The following SZT2 variants were observed in gnomAD, a reference collection of about 807,000 sequenced individuals.
The protein encoded by SZT2 is SZT2 subunit of KICSTOR complex.
SZT2 carries 216 observed loss-of-function variants against 404.2 expected under a neutral mutation model. That is an observed-to-expected ratio of 0.53 (90% CI 0.48 to 0.60). SZT2 has a LOEUF of 0.60. Ranked by LOEUF, SZT2 falls within the 20% of genes least tolerant of loss-of-function variation. The pLI, the probability that SZT2 is intolerant of heterozygous loss-of-function variation, is 0.00. For missense variants in SZT2, 3,857 were observed against 4,459.2 expected (o/e 0.86, Z 3.85); for synonymous variants, 1,693 against 1,749.9 (o/e 0.97, Z 0.81).
In SZT2 at chr1:43,425,326, C is replaced by T. The variant is rs1199297317; in HGVS notation, c.2645+119C>T. On this transcript the variant is annotated intron_variant, in intron 18 of 71. Coordinates refer to ENST00000634258, the MANE Select transcript of SZT2 (RefSeq NM_001365999.1). The surrounding 1 kb of genome is among the most constrained non-coding windows in gnomAD (Gnocchi z 4.3). The stretch of plus-strand genomic sequence containing the variant: ...TGATCCCAAAGTCAGGGAGGGGGTG[C>T]GGTGTTTAGATGCTTCATCAGGCAG... The T allele has an allele frequency of 6.0e-6, 9 of 1,502,188 alleles. No individual in the cohort carries two copies. The East Asian group carries it at 6.8e-5, about 11-fold the overall frequency. 93.1% of individuals were successfully genotyped at this position (1,502,188 alleles called of 1,614,324 possible).
chr1:43,392,453 C>T (rs939750932), intron 1 of SZT2, among the ~76,000 whole-genome samples: 68 of 145,890 alleles, frequency 4.7e-4, no homozygotes, highest in African/African-American at 1.4e-3. Flanking sequence ...CTCGCTCTGT[C>T]GCCCAGGCTG....
At chr1:43,445,206 A>G (rs1019784946) in intron 62 of SZT2, 1 of 152,362 alleles carries the variant, frequency 6.6e-6, no homozygotes, top group Non-Finnish European at 1.5e-5. Flanking sequence ...AAATGTTTCT[A>G]CAGCAAAATT....
rs760226125 is a variant in SZT2, at chr1:43,433,094, A to T, written c.5708A>T (p.Gln1903Leu). Residue 1903 changes from glutamine to leucine, a missense_variant, in exon 40 of 72, where the codon CAG becomes CTG. Gln to Leu is a moderately radical substitution (Grantham distance 113). Coordinates refer to ENST00000634258, the MANE Select transcript of SZT2 (RefSeq NM_001365999.1). ...ACTCCACCTGGGCCAGCACCTCCAC[A>T]GCCTTCACTCTCAGGCCTCCCTGGG... ...LRTPPGPAPPQPSLSGLPGPC... is the reference protein window; with the variant it reads ...LRTPPGPAPPLPSLSGLPGPC... The T allele has an allele frequency of 1.4e-5, 23 of 1,614,020 alleles. No individual in the cohort carries two copies. Among genetic ancestry groups the T allele is most frequent in the Admixed American group, 3.3e-5 (2 of 59,996 alleles).
chr1:43,428,172 A>G (rs556043638), intron 27 of SZT2, 54 bp downstream of exon 27: 6 of 1,611,804 alleles, frequency 3.7e-6, no homozygotes, highest in East Asian at 2.2e-5. Flanking sequence ...AGATACAGGG[A>G]TTACAGGGTG....
rs1389303305 is a variant in SZT2, at chr1:43,420,442, G to C, written c.1261+119G>C. 1.5e-6 allele frequency: 2 copies of C among 1,303,708 alleles called. No homozygotes were observed. Among genetic ancestry groups the C allele is most frequent in the Admixed American group, 5.5e-5 (2 of 36,238 alleles). The allele number at this position is 1,303,708 out of a possible 1,614,324, so 80.8% of individuals were successfully genotyped here. A position where few individuals can be genotyped will look rare whatever the true frequency, so the allele number is the denominator to read the frequency against. On this transcript the variant is annotated intron_variant, in intron 9 of 71. Transcript: ENST00000634258. This position sits in a 1 kb window ranked among gnomAD's most constrained non-coding sequence, Gnocchi z 5.1. Reference sequence around the variant, plus strand: ...ATTGAAGTCCTTATCACTTGAGACAGTGGGTTTTGAATTGTCATCAGGGCT... The same window carrying C: ...ATTGAAGTCCTTATCACTTGAGACACTGGGTTTTGAATTGTCATCAGGGCT...
At chr1:43,418,654 T>C (rs1651977317) in intron 7 of SZT2, among the ~76,000 whole-genome samples, 1 of 152,106 alleles carries the variant, frequency 6.6e-6, no homozygotes, top group African/African-American at 2.4e-5. Flanking sequence ...GAATAGAGGC[T>C]ATGATCGTAG....
In SZT2 at chr1:43,424,080, C is replaced by A. The variant is rs956973853; in HGVS notation, c.2256-137C>A. On this transcript the variant is annotated intron_variant, in intron 15 of 71. Coordinates refer to ENST00000634258, the MANE Select transcript of SZT2 (RefSeq NM_001365999.1). This position sits in a 1 kb window ranked among gnomAD's most constrained non-coding sequence, Gnocchi z 4.1. ...TGAGTGGTACAGAGGTGTGGAAGGG[C>A]GTGGCTTAGCCGGGTATCAGTGGTA... 1.4e-6 allele frequency: 1 copy of A among 702,132 alleles called. No homozygotes were observed. Among genetic ancestry groups the A allele is most frequent in the Non-Finnish European group, 2.4e-6 (1 of 415,770 alleles). The allele number at this position is 702,132 out of a possible 1,614,324, so 43.5% of individuals were successfully genotyped here. A position where few individuals can be genotyped will look rare whatever the true frequency, so the allele number is the denominator to read the frequency against.
At position 43,416,226 on chromosome 1, in the gene SZT2, T is replaced by A; in HGVS notation, c.772+125T>A. On this transcript the variant is annotated intron_variant, in intron 6 of 71. Coordinates refer to ENST00000634258, the MANE Select transcript of SZT2 (RefSeq NM_001365999.1). ...CCAGGGAAGAGGATCTGTTTCCTTG[T>A]TTGCAAAATGTAAGTCTGTATTAGT... The A allele has an allele frequency of 5.4e-6, 7 of 1,292,932 alleles. No homozygotes were observed. The South Asian group carries it at 1.1e-4, about 19-fold the overall frequency. The allele number at this position is 1,292,932 out of a possible 1,614,324, so 80.1% of individuals were successfully genotyped here. A position where few individuals can be genotyped will look rare whatever the true frequency, so the allele number is the denominator to read the frequency against.
rs1436589841 is a variant in SZT2, at chr1:43,427,714, GC to G, written c.3787del (p.Arg1263GlufsTer56). ...TGGTTGGCATGCAGCCCCCTCAGGCGCCCCGAGACCTCATCTTCCGGTGAGT... is the reference window on the plus strand; with the variant it reads ...TGGTTGGCATGCAGCCCCCTCAGGCGCCCGAGACCTCATCTTCCGGTGAGT... ...QMVGMQPPQA[P>X]RDLIFRTQFL... On this transcript the variant is annotated frameshift_variant, in exon 26 of 72. Coordinates refer to ENST00000634258, the MANE Select transcript of SZT2 (RefSeq NM_001365999.1). LOFTEE classifies it high-confidence loss of function. 1.9e-6 allele frequency: 3 copies of G among 1,613,508 alleles called. No homozygotes were observed. Among genetic ancestry groups the G allele is most frequent in the Non-Finnish European group, 2.5e-6 (3 of 1,179,986 alleles).
At position 43,432,588 on chromosome 1, in the gene SZT2, C is replaced by G; in HGVS notation, c.5514C>G (p.Pro1838=). ...DSEGVPLISL[P]RVPQGGSQPG... is the part of the protein sequence containing the mutation. ...AGGGTGTCCCCCTCATCAGCCTGCC[C>G]CGCGTGCCACAGGGAGGTAAGAGAG... Residue 1838 remains proline (P), a synonymous_variant, in exon 38 of 72, where the codon CCC becomes CCG. Coordinates refer to ENST00000634258, the MANE Select transcript of SZT2 (RefSeq NM_001365999.1). The G allele has an allele frequency of 6.2e-7, 1 of 1,613,674 alleles. No individual in the cohort carries two copies. The highest frequency in any genetic ancestry group is 8.5e-7 in the Non-Finnish European group (1 of 1,179,738).
intron 1 of SZT2, among the ~76,000 whole-genome samples, chr1:43,397,444 G>A (rs937111429): frequency 6.6e-6 from 1 of 150,648 alleles, no homozygotes; most frequent in Non-Finnish European, 1.5e-5. Context: ...AAAAAGAAAA[G>A]AAACAATATG....
At chr1:43,423,349 G>T (rs2153932681) in intron 15 of SZT2, 33 bp downstream of exon 15, 1 of 1,513,220 alleles carries the variant, frequency 6.6e-7, no homozygotes, top group African/African-American at 1.4e-5. Context: ...GCGTGGCTTA[G>T]CAGGGTATGA....
Position 43,424,313 on chromosome 1 carries a change from T to C in SZT2, c.2352T>C (p.Ser784=), listed in dbSNP as rs746862505. ...TGGTGTCAGGCCGCTCAGCCTCTTC[T>C]AGCCTGGCGTCACTGTCCCGCTACC... The part of the protein sequence containing the change: ...LPLVSGRSAS[S]SLASLSRYLY... The change falls in exon 16 of 72, where the codon TCT becomes TCC. Residue 784 remains serine (S), a synonymous_variant. Coordinates refer to ENST00000634258, the MANE Select transcript of SZT2 (RefSeq NM_001365999.1). This position sits in a 1 kb window ranked among gnomAD's most constrained non-coding sequence, Gnocchi z 4.1. 7 of 1,598,088 alleles carry C rather than the reference T, an allele frequency of 4.4e-6. No homozygotes were observed. The Admixed American group carries it at 1.2e-4, about 27-fold the overall frequency.
chr1:43,420,961 C>T lies in SZT2; in HGVS notation c.1474C>T (p.Arg492Cys), dbSNP rs752132319. 5.6e-6 allele frequency: 9 copies of T among 1,598,308 alleles called. No individual in the cohort carries two copies. The highest frequency in any genetic ancestry group is 5.9e-6 in the Non-Finnish European group (7 of 1,179,818). Residue 492 changes from arginine to cysteine, a missense_variant, in exon 10 of 72, where the codon CGT becomes TGT. Arg to Cys is a radical substitution (Grantham distance 180). Coordinates refer to ENST00000634258, the MANE Select transcript of SZT2 (RefSeq NM_001365999.1). The surrounding 1 kb of genome is among the most constrained non-coding windows in gnomAD (Gnocchi z 5.1). ...RSLYRTHVIR[R>C]FWNTLQSINQ... The stretch of plus-strand genomic sequence containing the variant: ...ATTGTATCGTACCCATGTTATCCGG[C>T]GTTTCTGGAACACGCTGCAGAGGTC...
Position 43,453,304 on chromosome 1 carries a change from T to C in SZT2, c.*2824T>C. ...ACCAGTGGGCTCAGACTTCTGAGCG[T>C]CTCAGATCTGGCGTCCTCGACTCCC... On this transcript the variant is annotated 3_prime_UTR_variant, in exon 72 of 72. Coordinates refer to ENST00000634258, the MANE Select transcript of SZT2 (RefSeq NM_001365999.1). 1.1e-6 allele frequency: 1 copy of C among 893,090 alleles called. No homozygotes were observed. 55.3% of individuals were successfully genotyped at this position (893,090 alleles called of 1,614,324 possible). A position where few individuals can be genotyped will look rare whatever the true frequency, so the allele number is the denominator to read the frequency against.
rs192330840 is a variant in SZT2, at chr1:43,417,687, G to A, written c.879+1046G>A. 1.5e-3 allele frequency among the ~76,000 whole-genome samples: 225 copies of A among 152,334 alleles called. 3 individuals are homozygous for A. In the East Asian group the frequency reaches 0.025, roughly 17 times the overall value. On this transcript the variant is annotated intron_variant, in intron 7 of 71. Transcript: ENST00000634258. Reference sequence around the variant, plus strand: ...GCATTTAAAGTATGTAGCATTGTACGTAATCACTTAAGAAATGGCTGCTAT... The same window carrying A: ...GCATTTAAAGTATGTAGCATTGTACATAATCACTTAAGAAATGGCTGCTAT...
In SZT2 at chr1:43,452,850, C is replaced by T; in HGVS notation, c.*2370C>T. On this transcript the variant is annotated 3_prime_UTR_variant, in exon 72 of 72. Coordinates refer to ENST00000634258, the MANE Select transcript of SZT2 (RefSeq NM_001365999.1). ...TCCCATCATCCCCTGATCTTAGCCA[C>T]ATCCAGCTCCAAGCAGACATTCCAG... The T allele has an allele frequency of 6.5e-7, 1 of 1,546,596 alleles. No individual in the cohort carries two copies. The highest frequency in any genetic ancestry group is 8.8e-7 in the Non-Finnish European group (1 of 1,141,364).
At position 43,437,356 on chromosome 1, in the gene SZT2, T is replaced by C. The variant is rs767819160; in HGVS notation, c.6187+33T>C. On this transcript the variant is annotated intron_variant, in intron 43 of 71. Transcript: ENST00000634258. The surrounding 1 kb of genome is among the most constrained non-coding windows in gnomAD (Gnocchi z 5.3). ...ATTGGCATGAGAGGGCAGGTGAGCA[T>C]TGGAAGGATCTGGAAAAGGCAGTTT... is the stretch of plus-strand genomic sequence containing the variant. 1.9e-6 allele frequency: 3 copies of C among 1,613,938 alleles called. No individual in the cohort carries two copies. Among genetic ancestry groups the C allele is most frequent in the East Asian group, 2.2e-5 (1 of 44,862 alleles).
chr1:43,420,037 G>A lies in SZT2; in HGVS notation c.1090+93G>A, dbSNP rs1652157995. ...CTGGAGGACTGAAAGTGTAACTGGG[G>A]CTGGCTCTGCTGGCACTGTTACCTC... On this transcript the variant is annotated intron_variant, in intron 8 of 71. Transcript: ENST00000634258. This position sits in a 1 kb window ranked among gnomAD's most constrained non-coding sequence, Gnocchi z 5.1. 4 of 1,561,448 alleles carry A rather than the reference G, an allele frequency of 2.6e-6. No individual in the cohort carries two copies.
Sources: gnomAD v4.1 joint callset for allele counts (sites outside exome capture counted in the v4.1 genomes callset) on GRCh38, gnomAD v4.1.1 for gene constraint, Gnocchi (gnomAD v3.1) non-coding constraint, MANE v1.5 for transcripts, NCBI Gene and HGNC (gene_info 2026-07-23, HGNC 2026-07-21) for gene names.